The following CDYL variants were observed in gnomAD, a reference collection of about 807,000 sequenced individuals.
CDYL encodes the protein chromodomain Y like.
Under a neutral mutation model 47.3 loss-of-function variants are expected in CDYL, and 8 were observed. The ratio of observed to expected loss-of-function variants is 0.17; its 90% confidence interval spans 0.10 to 0.31. The LOEUF is 0.31. Among genes scored for constraint, CDYL ranks in the 10% least tolerant of loss-of-function variants. The pLI is 1.00. For missense variants in CDYL, 471 were observed against 701.4 expected (o/e 0.67, Z 3.71); for synonymous variants, 266 against 265.0 (o/e 1.00, Z -0.04).
At chr6:4,709,297 G>A (rs1050330771) in intron 1 of CDYL, among the ~76,000 whole-genome samples, 6 of 152,094 alleles carry the variant, frequency 3.9e-5, no homozygotes, top group African/African-American at 1.2e-4. Context: ...CTGAGTTCAA[G>A]CAATTCTCCT....
chr6:4,877,512 C>T (rs999910041), intron 1 of CDYL, among the ~76,000 whole-genome samples: 1 of 152,114 alleles, frequency 6.6e-6, no homozygotes, highest in Non-Finnish European at 1.5e-5. Context: ...CTGTGTATAT[C>T]GTAGTTTGTG....
intron 1 of CDYL, among the ~76,000 whole-genome samples, chr6:4,782,807 C>G (rs1222562015): frequency 6.6e-6 from 1 of 152,172 alleles, no homozygotes; most frequent in African/African-American, 2.4e-5. Context: ...CCTCCACGGA[C>G]CACTTTGACA....
chr6:4,718,106 G>A (rs1757303617), intron 2 of CDYL, among the ~76,000 whole-genome samples: 1 of 151,934 alleles, frequency 6.6e-6, no homozygotes, highest in Non-Finnish European at 1.5e-5. Flanking sequence ...CAAAGTGCTG[G>A]GATTATAGGT....
At chr6:4,758,351 A>AATAAATATATATATATATATATATAT (rs1554134097) in intron 3 of CDYL, among the ~76,000 whole-genome samples, 86 of 129,064 alleles carry the variant, frequency 6.7e-4, no homozygotes, top group Non-Finnish European at 1.2e-3. Flanking sequence ...AAAATAAATA[A>AATAAATATATATATATATATATATAT]ATATATATAT....
intron 3 of CDYL, among the ~76,000 whole-genome samples, chr6:4,760,157 G>A (rs62384842): frequency 0.17 from 26,479 of 151,428 alleles, 3,213 homozygotes; most frequent in African/African-American, 0.34. Context: ...ACTTTGGAAA[G>A]AACATCCCTC....
At chr6:4,754,518 T>C (rs534841087) in intron 3 of CDYL, among the ~76,000 whole-genome samples, 3 of 152,216 alleles carry the variant, frequency 2.0e-5, no homozygotes, top group Non-Finnish European at 4.4e-5. Flanking sequence ...TTGTGACAAT[T>C]TGGACAAAGA....
intron 1 of CDYL, among the ~76,000 whole-genome samples, chr6:4,849,316 C>T (rs1221517714): frequency 6.6e-6 from 1 of 152,162 alleles, no homozygotes; most frequent in Non-Finnish European, 1.5e-5. Flanking sequence ...GAATGGAAAG[C>T]CGATCATGAA....
chr6:4,798,351 A>C (rs1302336515), intron 1 of CDYL, among the ~76,000 whole-genome samples: 1 of 152,150 alleles, frequency 6.6e-6, no homozygotes, highest in Non-Finnish European at 1.5e-5. Context: ...TAATTGCACT[A>C]TTGTCACTAG....
At position 4,937,748 on chromosome 6, in the gene CDYL, A is replaced by T. The variant is rs376963465; in HGVS notation, c.1121+11A>T. 1 of 1,598,892 alleles carries T rather than the reference A, an allele frequency of 6.3e-7. No homozygotes were observed. Among genetic ancestry groups the T allele is most frequent in the African/African-American group, 1.4e-5 (1 of 73,730 alleles). On this transcript the variant is annotated intron_variant, in intron 4 of 6. Coordinates refer to ENST00000397588, the MANE Select transcript of CDYL (RefSeq NM_004824.4). Reference sequence around the variant, plus strand: ...GGCAGAAGCTATCAGGTATGTAAAAATGATGTTTTTTAAACATTGGTTGGG... The same window carrying T: ...GGCAGAAGCTATCAGGTATGTAAAATTGATGTTTTTTAAACATTGGTTGGG...
intron 1 of CDYL, among the ~76,000 whole-genome samples, chr6:4,807,936 T>C (rs1396530413): frequency 6.6e-6 from 1 of 152,132 alleles, no homozygotes; most frequent in Non-Finnish European, 1.5e-5. Flanking sequence ...TTAGATTTTT[T>C]TTTAACTCTA....
intron 3 of CDYL, among the ~76,000 whole-genome samples, chr6:4,761,504 C>T (rs949773631): frequency 1.1e-4 from 16 of 152,102 alleles, no homozygotes; most frequent in South Asian, 2.1e-4. Flanking sequence ...CCACCACGCC[C>T]GGCTAATTTT....
At chr6:4,921,166 G>C (rs1312846598) in intron 2 of CDYL, among the ~76,000 whole-genome samples, 2 of 152,200 alleles carry the variant, frequency 1.3e-5, no homozygotes, top group African/African-American at 4.8e-5. Flanking sequence ...ATAGGACAGA[G>C]ATGGGTGTGT....
intron 3 of CDYL, among the ~76,000 whole-genome samples, chr6:4,746,596 G>A (rs1010541542): frequency 5.9e-5 from 9 of 152,158 alleles, no homozygotes; most frequent in African/African-American, 1.2e-4. Context: ...GAGAGGAGGC[G>A]GGGTCAGGCC....
chr6:4,759,595 G>C (rs1189161191), intron 3 of CDYL, among the ~76,000 whole-genome samples: 1 of 151,852 alleles, frequency 6.6e-6, no homozygotes, highest in Non-Finnish European at 1.5e-5. Context: ...AGAAATTGTA[G>C]GACTTGGTGG....
rs374191798 is a variant in CDYL, at chr6:4,879,878, A to AT, written c.25-11828dup. On this transcript the variant is annotated intron_variant, in intron 1 of 6. Transcript: ENST00000397588. ...CCTGGCCTTGTGGTTTTAATAGACT[A>AT]TTTTTTTAAAGAGTAGTTTCAAATT... 1.3e-4 allele frequency among the ~76,000 whole-genome samples: 19 copies of AT among 151,866 alleles called. No homozygotes were observed. The South Asian group carries it at 3.9e-3, about 32-fold the overall frequency.
At chr6:4,807,475 G>C (rs886622363) in intron 1 of CDYL, among the ~76,000 whole-genome samples, 2 of 151,670 alleles carry the variant, frequency 1.3e-5, no homozygotes, top group African/African-American at 4.8e-5. Flanking sequence ...GCCTGCAGCA[G>C]TTCTGTGGTG....
intron 2 of CDYL, among the ~76,000 whole-genome samples, chr6:4,894,903 G>GTGTGTATA (rs1561692395): frequency 7.1e-6 from 1 of 141,330 alleles, no homozygotes; most frequent in African/African-American, 2.9e-5. Context: ...ATATACACAC[G>GTGTGTATA]TACGTGTGTA....
chr6:4,886,462 C>G (rs1332860714), intron 1 of CDYL, among the ~76,000 whole-genome samples: 1 of 152,188 alleles, frequency 6.6e-6, no homozygotes, highest in Non-Finnish European at 1.5e-5. Flanking sequence ...ATGTGCATTT[C>G]CCCGATGGCT....
chr6:4,796,935 A>C (rs572856057), intron 1 of CDYL, among the ~76,000 whole-genome samples: 1 of 152,140 alleles, frequency 6.6e-6, no homozygotes, highest in South Asian at 2.1e-4. Context: ...TTCTACATGG[A>C]TTTGCTATTA....
Sources: gnomAD v4.1 joint callset for allele counts (sites outside exome capture counted in the v4.1 genomes callset) on GRCh38, gnomAD v4.1.1 for gene constraint, MANE v1.5 for transcripts, NCBI Gene and HGNC (gene_info 2026-07-23, HGNC 2026-07-21) for gene names.